CTNNA3: variants seen among roughly 807,000 people sequenced by gnomAD.
CTNNA3 encodes the protein catenin alpha 3.
In CTNNA3, 76 loss-of-function variants were observed where a neutral mutation model predicts 95.7. That is an observed-to-expected ratio of 0.79 (90% CI 0.66 to 0.96). The LOEUF (loss-of-function observed/expected upper bound fraction) is 0.96. CTNNA3 is among the 40% of genes least tolerant of loss of function. CTNNA3 has a pLI of 0.00. For synonymous variants in CTNNA3, 431 were observed against 374.4 expected (o/e 1.15, Z -1.74); for missense variants, 1,191 against 1,089.8 (o/e 1.09, Z -1.31).
At chr10:66,866,976 G>A (rs919284841) in intron 7 of CTNNA3, among the ~76,000 whole-genome samples, 7 of 152,056 alleles carry the variant, frequency 4.6e-5, no homozygotes, top group Admixed American at 3.3e-4. Context: ...TAAGTCTCAT[G>A]AGATCTGATG....
Position 67,392,196 on chromosome 10 carries a change from A to G in CTNNA3, c.579+129646T>C, listed in dbSNP as rs183771303. 3.0e-4 allele frequency among the ~76,000 whole-genome samples: 46 copies of G among 152,332 alleles called. 1 individual carries two copies. In the East Asian group the frequency reaches 8.7e-3, roughly 29 times the overall value. On this transcript the variant is annotated intron_variant, in intron 5 of 17. Transcript: ENST00000433211. ...ATATCCAGAATCTACAGTGAACTCA[A>G]ATAAATTTACAAGAAAAAAACAAAC... is the stretch of plus-strand genomic sequence containing the variant.
intron 1 of CTNNA3, among the ~76,000 whole-genome samples, chr10:67,705,634 G>C (rs1203087823): frequency 8.7e-6 from 1 of 114,912 alleles, no homozygotes; most frequent in African/African-American, 3.3e-5. Context: ...GTTGTGGGGT[G>C]GGGGGAGGGG....
intron 7 of CTNNA3, among the ~76,000 whole-genome samples, chr10:66,990,436 A>C (rs1339822168): frequency 1.3e-5 from 2 of 152,220 alleles, no homozygotes; most frequent in Non-Finnish European, 2.9e-5. Context: ...CATATTTTGC[A>C]TATGGAATTT....
In CTNNA3 at chr10:67,693,047, A is replaced by G. The variant is rs147789984; in HGVS notation, c.-6+2953T>C. On this transcript the variant is annotated intron_variant, in intron 1 of 17. Transcript: ENST00000433211. ...AAGAAAAGAGGTGGGGAGGGTGCCAAATAAACTTGACCTAATCTTCCATTT... is the reference window on the plus strand; with the variant it reads ...AAGAAAAGAGGTGGGGAGGGTGCCAGATAAACTTGACCTAATCTTCCATTT... Among the ~76,000 whole-genome samples the G allele has an allele frequency of 1.4e-4, 22 of 152,350 alleles. No individual in the cohort carries two copies. In the East Asian group the frequency reaches 4.2e-3, roughly 29 times the overall value.
intron 5 of CTNNA3, among the ~76,000 whole-genome samples, chr10:67,518,370 C>T (rs1270240784): frequency 6.6e-6 from 1 of 152,104 alleles, no homozygotes; most frequent in Non-Finnish European, 1.5e-5. Context: ...ATGAAACGGG[C>T]TGTACATTCT....
intron 7 of CTNNA3, among the ~76,000 whole-genome samples, chr10:67,129,682 T>C (rs1564910905): frequency 6.6e-6 from 1 of 152,190 alleles, no homozygotes; most frequent in Non-Finnish European, 1.5e-5. Flanking sequence ...TACGTTTCTT[T>C]ACTTCCTTAT....
chr10:67,754,145 C>T (rs574722925), intron 1 of CTNNA3, among the ~76,000 whole-genome samples: 2 of 152,120 alleles, frequency 1.3e-5, no homozygotes, highest in African/African-American at 2.4e-5. Flanking sequence ...TAAAAAGGAA[C>T]AAGATCGTGA....
intron 5 of CTNNA3, among the ~76,000 whole-genome samples, chr10:67,289,759 A>AATGGATGGATGG (rs920303037): frequency 6.9e-6 from 1 of 145,846 alleles, no homozygotes; most frequent in Non-Finnish European, 1.5e-5. Context: ...AGGATGGATG[A>AATGGATGGATGG]ATGGATGGAT....
At chr10:66,166,545 C>A (rs1293910545) in intron 13 of CTNNA3, among the ~76,000 whole-genome samples, 3 of 149,534 alleles carry the variant, frequency 2.0e-5, no homozygotes, top group African/African-American at 4.9e-5. Flanking sequence ...GATTAAGTAG[C>A]TTATCTATGG....
At chr10:65,980,008 C>A (rs989985037) in intron 16 of CTNNA3, among the ~76,000 whole-genome samples, 1 of 151,408 alleles carries the variant, frequency 6.6e-6, no homozygotes, top group South Asian at 2.1e-4. Flanking sequence ...AACCAACACA[C>A]AAAATACAAA....
chr10:66,930,922 G>A (rs541932453), intron 7 of CTNNA3, among the ~76,000 whole-genome samples: 1 of 152,162 alleles, frequency 6.6e-6, no homozygotes, highest in East Asian at 1.9e-4. Flanking sequence ...TGAATCTTCT[G>A]TAATTCTCAG....
At chr10:67,693,306 C>A (rs1431628812) in intron 1 of CTNNA3, among the ~76,000 whole-genome samples, 1 of 152,184 alleles carries the variant, frequency 6.6e-6, no homozygotes, top group Non-Finnish European at 1.5e-5. Flanking sequence ...AGTTCCACCC[C>A]GCTGTACCAT....
At chr10:67,743,915 G>C (rs1359610242) in intron 1 of CTNNA3, among the ~76,000 whole-genome samples, 1 of 151,062 alleles carries the variant, frequency 6.6e-6, no homozygotes. Flanking sequence ...GCTTCAAAGA[G>C]AATAAAATAC....
chr10:66,332,796 G>A (rs1377833383), intron 12 of CTNNA3, among the ~76,000 whole-genome samples: 1 of 152,088 alleles, frequency 6.6e-6, no homozygotes, highest in Non-Finnish European at 1.5e-5. Flanking sequence ...AGTTTCAGAA[G>A]GAATGGTACC....
At chr10:66,581,151 G>A (rs940432538) in intron 10 of CTNNA3, among the ~76,000 whole-genome samples, 1 of 151,732 alleles carries the variant, frequency 6.6e-6, no homozygotes, top group Non-Finnish European at 1.5e-5. Flanking sequence ...ATCAGTTAAT[G>A]GACATTTAGG....
chr10:66,402,190 C>G (rs998478656), intron 11 of CTNNA3, among the ~76,000 whole-genome samples: 4 of 152,106 alleles, frequency 2.6e-5, no homozygotes, highest in African/African-American at 9.7e-5. Flanking sequence ...AAAGTAATCA[C>G]TAACCCAACA....
chr10:65,986,444 A>G (rs1226435371), intron 16 of CTNNA3, among the ~76,000 whole-genome samples: 3 of 151,512 alleles, frequency 2.0e-5, no homozygotes, highest in Non-Finnish European at 3.0e-5. Flanking sequence ...TAAAAAAGAA[A>G]TCAGGCAAGC....
chr10:67,507,332 A>C (rs983739153), intron 5 of CTNNA3, among the ~76,000 whole-genome samples: 2 of 152,070 alleles, frequency 1.3e-5, no homozygotes, highest in African/African-American at 4.8e-5. Context: ...GTTCAAGACT[A>C]GCCTGGCCAA....
chr10:65,966,553 A>G lies in CTNNA3; in HGVS notation c.2400+59T>C, dbSNP rs555201523. On this transcript the variant is annotated intron_variant, in intron 17 of 17. Transcript: ENST00000433211. ...GATTTGGTCATGTAAACAAGGGTGT[A>G]GTTACTCTGTTTCAAGCATCTTCCA... 4.8e-5 allele frequency: 69 copies of G among 1,437,150 alleles called. No homozygotes were observed. The African/African-American group carries it at 6.2e-4, about 13-fold the overall frequency. The allele number at this position is 1,437,150 out of a possible 1,614,324, so 89.0% of individuals were successfully genotyped here. A position where few individuals can be genotyped will look rare whatever the true frequency, so the allele number is the denominator to read the frequency against.
Sources: allele counts gnomAD v4.1 joint callset (sites outside exome capture counted in the v4.1 genomes callset), GRCh38; gene constraint gnomAD v4.1.1; transcripts MANE v1.5; gene names NCBI Gene and HGNC (gene_info 2026-07-23, HGNC 2026-07-21).